The following CLEC16A variants were observed in gnomAD, a reference collection of about 807,000 sequenced individuals.
The protein encoded by CLEC16A is C-type lectin domain containing 16A, also known as protein CLEC16A.
In CLEC16A, 51 loss-of-function variants were observed where a neutral mutation model predicts 109.5. That is an observed-to-expected ratio of 0.47 (90% CI 0.37 to 0.59). CLEC16A has a LOEUF of 0.59. Among genes scored for constraint, CLEC16A ranks in the 20% least tolerant of loss-of-function variants. The pLI, the probability that CLEC16A is intolerant of heterozygous loss-of-function variation, is 0.00. For missense variants in CLEC16A, 1,339 were observed against 1,394.0 expected (o/e 0.96, Z 0.63); for synonymous variants, 673 against 564.2 (o/e 1.19, Z -2.73).
intron 1 of CLEC16A, 88 bp from the exon 2 acceptor site, chr16:10,957,694 T>C: frequency 1.5e-6 from 2 of 1,378,556 alleles, no homozygotes; most frequent in South Asian, 1.2e-5. Context: ...CATTGCTGCA[T>C]TGTCTCCAAA....
At chr16:11,169,176 A>G (rs1018596071) in intron 23 of CLEC16A, among the ~76,000 whole-genome samples, 2 of 152,212 alleles carry the variant, frequency 1.3e-5, no homozygotes, top group Non-Finnish European at 2.9e-5. Context: ...CTCTGTGATT[A>G]TGGAGCCTCC....
At chr16:11,069,469 C>G (rs7195452) in intron 19 of CLEC16A, among the ~76,000 whole-genome samples, 18,917 of 151,806 alleles carry the variant, frequency 0.12, 1,199 homozygotes, top group African/African-American at 0.15. Context: ...AGGTCTCGCT[C>G]TGTCGTCCAA....
intron 17 of CLEC16A, among the ~76,000 whole-genome samples, chr16:11,049,948 G>C (rs2047848609): frequency 6.6e-6 from 1 of 152,250 alleles, no homozygotes; most frequent in Non-Finnish European, 1.5e-5. Context: ...AAGGCAAGCA[G>C]CATGCACCAA....
At chr16:11,128,475 A>T (rs2052981707) in intron 22 of CLEC16A, among the ~76,000 whole-genome samples, 1 of 152,250 alleles carries the variant, frequency 6.6e-6, no homozygotes, top group Non-Finnish European at 1.5e-5. Context: ...ACAGCAAGTC[A>T]GAGGTGGCTG....
chr16:11,157,491 G>A (rs991444501), intron 22 of CLEC16A, among the ~76,000 whole-genome samples: 1 of 152,214 alleles, frequency 6.6e-6, no homozygotes, highest in Non-Finnish European at 1.5e-5. Flanking sequence ...TTATTAAAGG[G>A]ATACTGAAAA....
intron 10 of CLEC16A, among the ~76,000 whole-genome samples, chr16:10,998,815 G>C (rs1305225698): frequency 6.6e-6 from 1 of 152,132 alleles, no homozygotes; most frequent in Non-Finnish European, 1.5e-5. Context: ...ACAGTGGCGA[G>C]AGGAGGGACA....
At chr16:11,057,769 C>G (rs1393517328) in intron 18 of CLEC16A, among the ~76,000 whole-genome samples, 1 of 152,168 alleles carries the variant, frequency 6.6e-6, no homozygotes, top group Non-Finnish European at 1.5e-5. Context: ...GGGTCCCAAG[C>G]CTTAAATCTT....
intron 20 of CLEC16A, among the ~76,000 whole-genome samples, chr16:11,121,631 G>C (rs568927083): frequency 2.6e-5 from 4 of 151,822 alleles, no homozygotes; most frequent in African/African-American, 9.7e-5. Flanking sequence ...TGTAATCCCA[G>C]CACTTTGAGG....
chr16:11,136,064 C>A (rs1411327957), intron 22 of CLEC16A: 1 of 152,316 alleles, frequency 6.6e-6, no homozygotes, highest in African/African-American at 2.4e-5. Flanking sequence ...GGTTTCTTTT[C>A]CCAGCAGCAG....
chr16:11,012,457 G>A (rs866612735), intron 11 of CLEC16A, among the ~76,000 whole-genome samples: 1 of 151,904 alleles, frequency 6.6e-6, no homozygotes, highest in African/African-American at 2.4e-5. Context: ...TAACCAGGCG[G>A]AATGGCACGT....
intron 13 of CLEC16A, among the ~76,000 whole-genome samples, chr16:11,034,593 G>A (rs1187213826): frequency 2.0e-5 from 3 of 152,066 alleles, no homozygotes; most frequent in Non-Finnish European, 4.4e-5. Context: ...CCCTGTCCAC[G>A]GGTGGACAGG....
chr16:11,151,770 A>T (rs2054298994), intron 22 of CLEC16A, among the ~76,000 whole-genome samples: 6 of 152,238 alleles, frequency 3.9e-5, no homozygotes, highest in Admixed American at 3.9e-4. Flanking sequence ...AGCCTGCACC[A>T]GCTCACTGTT....
intron 22 of CLEC16A, chr16:11,156,961 A>G (rs2054554967): frequency 2.5e-6 from 1 of 400,454 alleles, no homozygotes; most frequent in South Asian, 2.9e-5. Context: ...AAGGGGCATT[A>G]GACTTGGCAG....
intron 4 of CLEC16A, among the ~76,000 whole-genome samples, 183 bp from the exon 5 acceptor site, chr16:10,970,941 GC>G (rs1423829769): frequency 1.0e-4 from 15 of 144,178 alleles, no homozygotes; most frequent in African/African-American, 3.7e-4. Context: ...CCATGGCTTT[GC>G]CTTCCTGTCC....
chr16:11,084,168 C>G (rs2152951912), intron 19 of CLEC16A, among the ~76,000 whole-genome samples: 1 of 152,220 alleles, frequency 6.6e-6, no homozygotes, highest in Middle Eastern at 3.4e-3. Flanking sequence ...GCCCATCCCT[C>G]TGCTTGGGAT....
chr16:11,094,104 C>T (rs1227464708), intron 19 of CLEC16A, among the ~76,000 whole-genome samples: 2 of 152,140 alleles, frequency 1.3e-5, no homozygotes, highest in African/African-American at 2.4e-5. Context: ...CAGGACTGAC[C>T]CCATTCCTCT....
At chr16:11,170,728 G>C (rs1207195494) in intron 23 of CLEC16A, among the ~76,000 whole-genome samples, 1 of 152,186 alleles carries the variant, frequency 6.6e-6, no homozygotes, top group Admixed American at 6.5e-5. Flanking sequence ...GCAGGATTAG[G>C]ATAAGTCCCT....
chr16:11,052,212 G>A (rs944556757), intron 18 of CLEC16A, among the ~76,000 whole-genome samples: 2 of 152,078 alleles, frequency 1.3e-5, no homozygotes, highest in African/African-American at 4.8e-5. Flanking sequence ...TGTCCTCAGG[G>A]GTGTTCATGG....
chr16:11,036,278 C>T (rs1038656111), intron 13 of CLEC16A, among the ~76,000 whole-genome samples: 1 of 152,082 alleles, frequency 6.6e-6, no homozygotes, highest in African/African-American at 2.4e-5. Flanking sequence ...TTCCCCCATC[C>T]TCCACCTCAT....
Sources: allele counts gnomAD v4.1 joint callset (sites outside exome capture counted in the v4.1 genomes callset), GRCh38; gene constraint gnomAD v4.1.1; transcripts MANE v1.5; gene names NCBI Gene and HGNC (gene_info 2026-07-23, HGNC 2026-07-21).